SCN8A: variants seen among roughly 807,000 people sequenced by gnomAD.
SCN8A encodes sodium voltage-gated channel alpha subunit 8.
A neutral mutation model predicts 184.1 loss-of-function variants in SCN8A; 30 were observed. The observed-to-expected ratio is 0.16, with a 90% CI of 0.12 to 0.22. The LOEUF is 0.22. Ranked by LOEUF, SCN8A falls within the 10% of genes least tolerant of loss-of-function variation. SCN8A has a pLI of 1.00. For missense variants in SCN8A, 1,057 were observed against 2,498.9 expected (o/e 0.42, Z 12.30); for synonymous variants, 852 against 907.0 (o/e 0.94, Z 1.09).
intron 13 of SCN8A, 93 bp downstream of exon 13, chr12:51,746,128 A>G: frequency 8.2e-7 from 1 of 1,218,388 alleles, no homozygotes; most frequent in Non-Finnish European, 1.1e-6. Context: ...TGAGTTTTGC[A>G]AAGACTGTCT....
Position 51,712,733 on chromosome 12 carries a change from C to T in SCN8A, c.1635+6018C>T, listed in dbSNP as rs1357375327. ...CCTTGGTTTCCATATCCTGGTCCACCACCACCATAGCCCCCTCTACTACTA... is the reference window on the plus strand; with the variant it reads ...CCTTGGTTTCCATATCCTGGTCCACTACCACCATAGCCCCCTCTACTACTA... On this transcript the variant is annotated intron_variant, in intron 11 of 26. Coordinates refer to ENST00000627620, the MANE Select transcript of SCN8A (RefSeq NM_001330260.2). The T allele has an allele frequency of 7.3e-6, 8 of 1,096,512 alleles. No homozygotes were observed. The Admixed American group carries it at 8.4e-5, about 12-fold the overall frequency. The allele number at this position is 1,096,512 out of a possible 1,614,324, so 67.9% of individuals were successfully genotyped here.
At chr12:51,595,795 A>G (rs1382003970) in intron 1 of SCN8A, among the ~76,000 whole-genome samples, 1 of 152,180 alleles carries the variant, frequency 6.6e-6, no homozygotes, top group Non-Finnish European at 1.5e-5. Context: ...TATGTACTGT[A>G]TTGAATTTCA....
chr12:51,806,478 C>A lies in SCN8A; in HGVS notation c.4992C>A (p.Ile1664=). ...TTCTGCTCTTCCTGGTCATGTTCAT[C>A]TTCTCCATTTTTGGGATGTCCAATT... The part of the protein sequence containing the change: ...IGLLLFLVMF[I]FSIFGMSNFA... Residue 1664 remains isoleucine (I), a synonymous_variant, in exon 27 of 27, where the codon ATC becomes ATA. Coordinates refer to ENST00000627620, the MANE Select transcript of SCN8A (RefSeq NM_001330260.2). The surrounding 1 kb of genome is among the most constrained non-coding windows in gnomAD (Gnocchi z 8.7). 1.9e-6 allele frequency: 3 copies of A among 1,614,244 alleles called. No individual in the cohort carries two copies. The African/African-American group carries it at 4.0e-5, about 22-fold the overall frequency.
chr12:51,689,551 T>C, intron 6 of SCN8A: 1 of 153,908 alleles, frequency 6.5e-6, no homozygotes, highest in Non-Finnish European at 1.4e-5. Context: ...TGAAATTTTT[T>C]AATCACAGAA....
At position 51,618,498 on chromosome 12, in the gene SCN8A, C is replaced by T. The variant is rs973631644; in HGVS notation, c.-55+27139C>T. Among the ~76,000 whole-genome samples, 9 of 84,912 alleles carry T rather than the reference C, an allele frequency of 1.1e-4. No homozygotes were observed. In the East Asian group the frequency reaches 3.5e-3, roughly 33 times the overall value. The allele number at this position is 84,912 out of a possible 152,430, so 55.7% of individuals were successfully genotyped here. ...ACACACACACACACACACACACACA[C>T]ACACACACACAGAAAGAAAAAAAGG... On this transcript the variant is annotated intron_variant, in intron 1 of 26. Coordinates refer to ENST00000627620, the MANE Select transcript of SCN8A (RefSeq NM_001330260.2).
intron 6 of SCN8A, among the ~76,000 whole-genome samples, chr12:51,699,366 A>C (rs769335856): frequency 1.3e-5 from 2 of 152,240 alleles, no homozygotes; most frequent in Non-Finnish European, 2.9e-5. Context: ...TTTGCTTTTT[A>C]AGATGTATTC....
At chr12:51,720,510 T>A (rs1169643234) in intron 11 of SCN8A, among the ~76,000 whole-genome samples, 1 of 150,866 alleles carries the variant, frequency 6.6e-6, no homozygotes, top group Admixed American at 6.6e-5. Flanking sequence ...ATGTAAATGA[T>A]GAGTTAATGG....
chr12:51,708,931 T>C (rs937397262), intron 11 of SCN8A, among the ~76,000 whole-genome samples: 6 of 152,196 alleles, frequency 3.9e-5, no homozygotes, highest in African/African-American at 1.4e-4. Flanking sequence ...CTAGAGAGCT[T>C]ACAGTACAGT....
intron 1 of SCN8A, among the ~76,000 whole-genome samples, chr12:51,655,663 T>G (rs1021279242): frequency 6.6e-6 from 1 of 152,186 alleles, no homozygotes; most frequent in South Asian, 2.1e-4. Context: ...CATGAGTCAC[T>G]GTGGCTGGTT....
At chr12:51,630,023 A>G (rs1314419990) in intron 1 of SCN8A, among the ~76,000 whole-genome samples, 1 of 151,936 alleles carries the variant, frequency 6.6e-6, no homozygotes, top group Non-Finnish European at 1.5e-5. Flanking sequence ...CTTGAATTTT[A>G]TCTCCTCCAT....
chr12:51,613,799 A>C (rs1939774159), intron 1 of SCN8A, among the ~76,000 whole-genome samples: 1 of 152,006 alleles, frequency 6.6e-6, no homozygotes, highest in Non-Finnish European at 1.5e-5. Context: ...TTCCCCTGAG[A>C]CTTTCTCTTT....
chr12:51,748,634 G>A (rs1425190963), intron 13 of SCN8A, among the ~76,000 whole-genome samples: 2 of 152,186 alleles, frequency 1.3e-5, no homozygotes, highest in Admixed American at 6.5e-5. Context: ...TGACATTATT[G>A]ATTCTCAGGT....
chr12:51,716,092 G>A (rs1941960207), intron 11 of SCN8A, among the ~76,000 whole-genome samples: 1 of 152,232 alleles, frequency 6.6e-6, no homozygotes, highest in East Asian at 1.9e-4. Context: ...TCAGCACTTT[G>A]GGAGGCCAAG....
chr12:51,770,324 CCT>C (rs1410666130), intron 18 of SCN8A: 1 of 613,828 alleles, frequency 1.6e-6, no homozygotes, highest in Non-Finnish European at 2.8e-6. Flanking sequence ...CTTCTTGACT[CCT>C]GAGGGCCTTG....
chr12:51,764,057 G>A (rs1942801366), intron 15 of SCN8A, among the ~76,000 whole-genome samples: 1 of 152,084 alleles, frequency 6.6e-6, no homozygotes, highest in African/African-American at 2.4e-5. Flanking sequence ...CAAAAGAAAG[G>A]ATTGAGAGTA....
chr12:51,599,114 T>C (rs1328093532), intron 1 of SCN8A, among the ~76,000 whole-genome samples: 1 of 152,194 alleles, frequency 6.6e-6, no homozygotes, highest in African/African-American at 2.4e-5. Context: ...CATTGCTGTC[T>C]ATGAGTGAAT....
At chr12:51,771,286 TG>T (rs1448064917) in intron 19 of SCN8A, among the ~76,000 whole-genome samples, 2 of 152,194 alleles carry the variant, frequency 1.3e-5, no homozygotes, top group African/African-American at 4.8e-5. Context: ...GGGAGTTGCT[TG>T]CTGGTTGAAT....
chr12:51,779,450 A>G lies in SCN8A; in HGVS notation c.3820-1199A>G, dbSNP rs528863003. Among the ~76,000 whole-genome samples the G allele has an allele frequency of 9.2e-5, 14 of 152,292 alleles. No individual in the cohort carries two copies. The East Asian group carries it at 2.7e-3, about 29-fold the overall frequency. The stretch of plus-strand genomic sequence containing the variant: ...TGGCAGAGCAGGAAAGTGTTTGACC[A>G]TACGTCTAAGCCTGGAGGTCTGCAG... On this transcript the variant is annotated intron_variant, in intron 20 of 26. Transcript: ENST00000627620.
intron 22 of SCN8A, among the ~76,000 whole-genome samples, chr12:51,787,289 C>T (rs1429550073): frequency 6.6e-6 from 1 of 152,170 alleles, no homozygotes; most frequent in Non-Finnish European, 1.5e-5. Flanking sequence ...ACCTCAGCTC[C>T]ACCCCAGAGA....
Sources: gnomAD v4.1 joint callset for allele counts (sites outside exome capture counted in the v4.1 genomes callset) on GRCh38, gnomAD v4.1.1 for gene constraint, Gnocchi (gnomAD v3.1) non-coding constraint, MANE v1.5 for transcripts, NCBI Gene and HGNC (gene_info 2026-07-23, HGNC 2026-07-21) for gene names.